Variants in PARD3 observed in about 807,000 individuals in gnomAD.
PARD3 encodes partitioning defective 3 homolog.
In PARD3, 75 loss-of-function variants were observed where a neutral mutation model predicts 155.4. The ratio of observed to expected loss-of-function variants is 0.48; its 90% CI spans 0.40 to 0.58. The LOEUF (loss-of-function observed/expected upper bound fraction) is 0.58. Among genes scored for constraint, PARD3 ranks in the 20% least tolerant of loss-of-function variants. The pLI is 0.00. For missense variants in PARD3, 1,642 were observed against 1,721.7 expected, an observed-to-expected ratio of 0.95 and a Z score of 0.82; for synonymous variants, 576 against 610.5, an observed-to-expected ratio of 0.94 and a Z score of 0.83.
At chr10:34,592,319 T>C (rs192446054) in intron 2 of PARD3, among the ~76,000 whole-genome samples, 2 of 152,298 alleles carry the variant, frequency 1.3e-5, no homozygotes, top group African/African-American at 4.8e-5. Flanking sequence ...GACACTAATT[T>C]TTTTCCTCTG....
chr10:34,713,477 G>A (rs1479504131), intron 1 of PARD3, among the ~76,000 whole-genome samples: 2 of 151,960 alleles, frequency 1.3e-5, no homozygotes, highest in African/African-American at 4.8e-5. Flanking sequence ...GAACAACCAG[G>A]CCAGGTGCGG....
intron 2 of PARD3, among the ~76,000 whole-genome samples, chr10:34,645,487 T>C (rs898306662): frequency 1.3e-5 from 2 of 152,206 alleles, no homozygotes; most frequent in Non-Finnish European, 2.9e-5. Context: ...ATTACAGGTG[T>C]GATCCACTGT....
chr10:34,194,612 C>CTTTTTT (rs34506915), intron 22 of PARD3, among the ~76,000 whole-genome samples: 1 of 120,988 alleles, frequency 8.3e-6, no homozygotes, highest in Admixed American at 8.7e-5. Context: ...TATGCCAAAG[C>CTTTTTT]TTTTTTTTTT....
At position 34,265,471 on chromosome 10, in the gene PARD3, G is replaced by C. The variant is rs575011551; in HGVS notation, c.3419+4186C>G. Among the ~76,000 whole-genome samples the C allele has an allele frequency of 1.2e-4, 18 of 152,200 alleles. No homozygotes were observed. In the South Asian group the frequency reaches 2.5e-3, roughly 21 times the overall value. ...TCCTTACTGAACAATGAAAATCCCAGAACAGATGCAGGCTACACATCAGAC... is the reference window on the plus strand; with the variant it reads ...TCCTTACTGAACAATGAAAATCCCACAACAGATGCAGGCTACACATCAGAC... On this transcript the variant is annotated intron_variant, in intron 22 of 24. Transcript: ENST00000374788.
intron 22 of PARD3, among the ~76,000 whole-genome samples, chr10:34,214,090 G>A (rs759092679): frequency 1.3e-5 from 2 of 151,340 alleles, no homozygotes; most frequent in Admixed American, 1.3e-4. Context: ...TTGTAGAGAC[G>A]GGGTTTTGCT....
intron 4 of PARD3, among the ~76,000 whole-genome samples, chr10:34,456,422 G>A (rs1304615326): frequency 2.6e-5 from 4 of 151,920 alleles, no homozygotes; most frequent in Admixed American, 6.6e-5. Flanking sequence ...TCAGCCTCCC[G>A]AGTAGCTGGG....
chr10:34,548,066 T>C lies in PARD3; in HGVS notation c.223-30907A>G, dbSNP rs530014324. On this transcript the variant is annotated intron_variant, in intron 2 of 24. Coordinates refer to ENST00000374788, the MANE Select transcript of PARD3 (RefSeq NM_001184785.2). Reference sequence around the variant, plus strand: ...TTTTTTTAGGTTATAGCAGTTAGGCTATACTTCAAACATTGTAAGCAATAA... The same window carrying C: ...TTTTTTTAGGTTATAGCAGTTAGGCCATACTTCAAACATTGTAAGCAATAA... Among the ~76,000 whole-genome samples the C allele has an allele frequency of 3.9e-5, 6 of 152,360 alleles. No individual in the cohort carries two copies. In the South Asian group the frequency reaches 1.2e-3, roughly 32 times the overall value.
intron 2 of PARD3, among the ~76,000 whole-genome samples, chr10:34,614,993 A>G (rs1268181810): frequency 6.6e-6 from 1 of 152,166 alleles, no homozygotes; most frequent in Non-Finnish European, 1.5e-5. Context: ...CCTGGCTAAC[A>G]CAGTGAAACC....
rs140541419 is a variant in PARD3, at chr10:34,419,435, T to C, written c.715-17518A>G. Among the ~76,000 whole-genome samples the C allele has an allele frequency of 6.4e-3, 974 of 152,230 alleles. 9 individuals are homozygous for C. Among genetic ancestry groups the C allele is most frequent in the African/African-American group, 0.022 (922 of 41,540 alleles). ...TGGAGGCTGAGACAGGAGAATTGCT[T>C]GAACCCAGCAGGCGGAGGTTTCAGT... On this transcript the variant is annotated intron_variant, in intron 5 of 24. Coordinates refer to ENST00000374788, the MANE Select transcript of PARD3 (RefSeq NM_001184785.2).
intron 2 of PARD3, among the ~76,000 whole-genome samples, 188 bp downstream of exon 2, chr10:34,696,130 T>C (rs2094167210): frequency 6.6e-6 from 1 of 152,200 alleles, no homozygotes; most frequent in African/African-American, 2.4e-5. Context: ...AAGAAAATCA[T>C]TATACCTTGG....
At position 34,200,348 on chromosome 10, in the gene PARD3, C is replaced by T. The variant is rs569741729; in HGVS notation, c.3420-68765G>A. 3.3e-5 allele frequency among the ~76,000 whole-genome samples: 5 copies of T among 152,220 alleles called. No homozygotes were observed. In the South Asian group the frequency reaches 1.0e-3, roughly 32 times the overall value. On this transcript the variant is annotated intron_variant, in intron 22 of 24. Coordinates refer to ENST00000374788, the MANE Select transcript of PARD3 (RefSeq NM_001184785.2). ...ACAGGAAAAAAAAAATCTTCGTTTT[C>T]CTGCAGACAGTAAACTTATTGGGGG...
At chr10:34,691,050 A>G (rs2094050021) in intron 2 of PARD3, among the ~76,000 whole-genome samples, 1 of 152,178 alleles carries the variant, frequency 6.6e-6, no homozygotes, top group Non-Finnish European at 1.5e-5. Context: ...CTGTCTCTAC[A>G]AAAATGTTTA....
chr10:34,421,747 T>C (rs1239282798), intron 5 of PARD3, among the ~76,000 whole-genome samples: 1 of 152,196 alleles, frequency 6.6e-6, no homozygotes, highest in Non-Finnish European at 1.5e-5. Context: ...CGGAAAAGAT[T>C]TCTGCCCTTC....
At position 34,413,144 on chromosome 10, in the gene PARD3, T is replaced by TACACAC. The variant is rs146779470; in HGVS notation, c.715-11233_715-11228dup. On this transcript the variant is annotated intron_variant, in intron 5 of 24. Coordinates refer to ENST00000374788, the MANE Select transcript of PARD3 (RefSeq NM_001184785.2). Reference sequence around the variant, plus strand: ...CATTAGGCAGTACTTCAGATATATATACACACACACACACACACACACACA... The same window carrying TACACAC: ...CATTAGGCAGTACTTCAGATATATATACACACACACACACACACACACACACACACA... 8.2e-4 allele frequency among the ~76,000 whole-genome samples: 120 copies of TACACAC among 146,000 alleles called. 1 individual carries two copies. Among genetic ancestry groups the TACACAC allele is most frequent in the East Asian group, 4.0e-3 (20 of 5,000 alleles).
chr10:34,521,026 T>C (rs1228681369), intron 2 of PARD3, among the ~76,000 whole-genome samples: 2 of 152,206 alleles, frequency 1.3e-5, no homozygotes, highest in Admixed American at 6.5e-5. Flanking sequence ...TCATGTTTTG[T>C]TATTAACTTT....
At chr10:34,809,726 C>G (rs1488193161) in intron 1 of PARD3, among the ~76,000 whole-genome samples, 1 of 152,098 alleles carries the variant, frequency 6.6e-6, no homozygotes, top group Non-Finnish European at 1.5e-5. Flanking sequence ...CGCTTCAGCA[C>G]CAGAGGACAA....
chr10:34,781,724 T>C (rs926598748), intron 1 of PARD3, among the ~76,000 whole-genome samples: 5 of 152,198 alleles, frequency 3.3e-5, no homozygotes, highest in African/African-American at 4.8e-5. Context: ...AACTGTAACA[T>C]GCTCAGCACT....
chr10:34,127,223 G>C lies in PARD3; in HGVS notation c.3540+4240C>G, dbSNP rs79540730. Among the ~76,000 whole-genome samples, 365 of 152,238 alleles carry C rather than the reference G, an allele frequency of 2.4e-3. 4 individuals carry two copies. The highest frequency in any genetic ancestry group is 8.4e-3 in the African/African-American group (347 of 41,528). The stretch of plus-strand genomic sequence containing the variant: ...CTAAGACGTAGGAAATACTCATTTA[G>C]CCTCAAACAAACCTGGAGGTCTCGC... On this transcript the variant is annotated intron_variant, in intron 23 of 24. Transcript: ENST00000374788.
chr10:34,125,071 C>CTTTTTTTTTTTTTTTTTTTTTTTTT (rs71523316), intron 23 of PARD3, among the ~76,000 whole-genome samples: 4 of 140,636 alleles, frequency 2.8e-5, no homozygotes, highest in African/African-American at 1.1e-4. Context: ...CTATTTCTTT[C>CTTTTTTTTTTTTTTTTTTTTTTTTT]TTTTTTTTTT....
Sources: allele counts gnomAD v4.1 joint callset (sites outside exome capture counted in the v4.1 genomes callset), GRCh38; gene constraint gnomAD v4.1.1; transcripts MANE v1.5; gene names NCBI Gene and HGNC (gene_info 2026-07-23, HGNC 2026-07-21).